Variants in FHOD3 observed in about 807,000 individuals in gnomAD.
FHOD3 encodes the protein FH1/FH2 domain-containing protein 3.
In FHOD3, 90 loss-of-function variants were observed where a neutral mutation model predicts 173.0. The ratio of observed to expected loss-of-function variants is 0.52; its 90% confidence interval spans 0.44 to 0.62. FHOD3 has a LOEUF of 0.62. Ranked by LOEUF, FHOD3 falls within the 20% of genes least tolerant of loss-of-function variation. The pLI is 0.00. For missense variants in FHOD3, 1,945 were observed against 2,034.7 expected (o/e 0.96, Z 0.85); for synonymous variants, 828 against 823.0 (o/e 1.01, Z -0.10).
chr18:36,322,063 G>T (rs557849812), intron 1 of FHOD3, among the ~76,000 whole-genome samples: 1 of 152,162 alleles, frequency 6.6e-6, no homozygotes, highest in Admixed American at 6.5e-5. Flanking sequence ...GAGTGTGAGC[G>T]TGACTCCTCT....
intron 1 of FHOD3, among the ~76,000 whole-genome samples, chr18:36,315,333 C>T (rs1291535073): frequency 6.6e-6 from 1 of 152,114 alleles, no homozygotes; most frequent in Non-Finnish European, 1.5e-5. Flanking sequence ...TCTTCATTTC[C>T]AGGCCTTTCC....
At chr18:36,675,220 C>A (rs1270474576) in intron 14 of FHOD3, among the ~76,000 whole-genome samples, 1 of 152,184 alleles carries the variant, frequency 6.6e-6, no homozygotes, top group Non-Finnish European at 1.5e-5. Context: ...TGTCCCTGGC[C>A]ATGCAAGTTC....
At chr18:36,445,796 C>A (rs2051434190) in intron 3 of FHOD3, among the ~76,000 whole-genome samples, 1 of 152,186 alleles carries the variant, frequency 6.6e-6, no homozygotes, top group Non-Finnish European at 1.5e-5. Context: ...AAATCATGGG[C>A]ATGTCCAGGT....
intron 3 of FHOD3, among the ~76,000 whole-genome samples, chr18:36,470,228 C>T (rs968351949): frequency 1.3e-5 from 2 of 152,150 alleles, no homozygotes; most frequent in East Asian, 1.9e-4. Context: ...GACCCCCATC[C>T]GGTTTTGCTC....
At chr18:36,623,151 G>A (rs112016513) in intron 9 of FHOD3, among the ~76,000 whole-genome samples, 394 of 152,270 alleles carry the variant, frequency 2.6e-3, no homozygotes, top group African/African-American at 8.5e-3. Context: ...AAACTTTCTG[G>A]TTATCTCTAC....
chr18:36,689,305 G>C (rs1290253587), intron 16 of FHOD3, among the ~76,000 whole-genome samples: 2 of 152,208 alleles, frequency 1.3e-5, no homozygotes, highest in African/African-American at 2.4e-5. Flanking sequence ...CTTCCAGATA[G>C]AGCAATGTGT....
At chr18:36,580,443 T>C (rs1241116983) in intron 6 of FHOD3, among the ~76,000 whole-genome samples, 6 of 152,360 alleles carry the variant, frequency 3.9e-5, no homozygotes, top group Non-Finnish European at 8.8e-5. Flanking sequence ...TGGAGTTCAC[T>C]GTGTTGTTGG....
chr18:36,631,275 G>A (rs1433275752), intron 10 of FHOD3, among the ~76,000 whole-genome samples: 1 of 152,190 alleles, frequency 6.6e-6, no homozygotes. Flanking sequence ...GAATCACTGT[G>A]GTCTTGGGCA....
At chr18:36,304,117 C>G (rs542472434) in intron 1 of FHOD3, among the ~76,000 whole-genome samples, 30 of 152,218 alleles carry the variant, frequency 2.0e-4, no homozygotes, top group African/African-American at 7.2e-4. Context: ...AATGCTGATT[C>G]AAATACATTA....
At position 36,746,934 on chromosome 18, in the gene FHOD3, C is replaced by T; in HGVS notation, c.4042-11C>T. On this transcript the variant is annotated splice_polypyrimidine_tract_variant and intron_variant, in intron 23 of 28. Transcript: ENST00000590592. ...TTTCAGTGTTTGCAGTGTTCTCGCT[C>T]TGATTTTCAGGTTGACTTTGATCAA... is the stretch of plus-strand genomic sequence containing the variant. 1 of 1,596,736 alleles carries T rather than the reference C, an allele frequency of 6.3e-7. No homozygotes were observed. Among genetic ancestry groups the T allele is most frequent in the Non-Finnish European group, 8.5e-7 (1 of 1,171,774 alleles).
chr18:36,684,173 C>A (rs2038444112), intron 15 of FHOD3, among the ~76,000 whole-genome samples: 2 of 152,274 alleles, frequency 1.3e-5, no homozygotes, highest in Non-Finnish European at 2.9e-5. Context: ...TGTCTGAAGG[C>A]AGGTTACAAC....
chr18:36,502,160 A>T lies in FHOD3; in HGVS notation c.405+161A>T, dbSNP rs548050543. On this transcript the variant is annotated intron_variant, in intron 4 of 28. Coordinates refer to ENST00000590592, the MANE Select transcript of FHOD3 (RefSeq NM_001281740.3). ...ACATTAGGTCATAATATCAGTTGAG[A>T]ATTTTTATCATGTCAAATATTTCAA... Among the ~76,000 whole-genome samples, 386 of 152,300 alleles carry T rather than the reference A, an allele frequency of 2.5e-3. 1 individual carries two copies. Among genetic ancestry groups the T allele is most frequent in the African/African-American group, 8.6e-3 (359 of 41,562 alleles).
chr18:36,490,534 A>G (rs2054413779), intron 3 of FHOD3, among the ~76,000 whole-genome samples: 1 of 152,154 alleles, frequency 6.6e-6, no homozygotes, highest in South Asian at 2.1e-4. Context: ...AACCACATAC[A>G]TAATTTTATG....
chr18:36,654,166 G>C (rs1292100052), intron 13 of FHOD3, among the ~76,000 whole-genome samples: 2 of 152,208 alleles, frequency 1.3e-5, no homozygotes, highest in African/African-American at 4.8e-5. Context: ...GGGGACCCCA[G>C]TCTGGGTGCC....
At chr18:36,640,932 G>C (rs1049770531) in intron 10 of FHOD3, among the ~76,000 whole-genome samples, 13 of 152,130 alleles carry the variant, frequency 8.5e-5, no homozygotes, top group African/African-American at 3.1e-4. Context: ...AAAGGAGTCT[G>C]GCCTGGATGT....
At chr18:36,434,931 A>G (rs2050736777) in intron 3 of FHOD3, among the ~76,000 whole-genome samples, 1 of 152,068 alleles carries the variant, frequency 6.6e-6, no homozygotes, top group Non-Finnish European at 1.5e-5. Flanking sequence ...TAGCTTTACT[A>G]AATAGATTTC....
intron 3 of FHOD3, among the ~76,000 whole-genome samples, chr18:36,443,376 A>C (rs1399350474): frequency 6.6e-6 from 1 of 152,222 alleles, no homozygotes; most frequent in Non-Finnish European, 1.5e-5. Context: ...GTATGAACTC[A>C]TGGATATTTG....
intron 1 of FHOD3, among the ~76,000 whole-genome samples, chr18:36,324,121 G>A (rs2044544036): frequency 1.3e-5 from 2 of 152,188 alleles, no homozygotes; most frequent in Non-Finnish European, 2.9e-5. Flanking sequence ...CCACACACAT[G>A]CAATGGGACA....
At chr18:36,384,897 TACCACCACC>T (rs60582813) in intron 3 of FHOD3, among the ~76,000 whole-genome samples, 236 of 151,092 alleles carry the variant, frequency 1.6e-3, no homozygotes, top group African/African-American at 5.5e-3. Flanking sequence ...TGGTGGAAGA[TACCACCACC>T]ACCACCACCA....
Sources: gnomAD v4.1 joint callset for allele counts (sites outside exome capture counted in the v4.1 genomes callset) on GRCh38, gnomAD v4.1.1 for gene constraint, MANE v1.5 for transcripts, NCBI Gene and HGNC (gene_info 2026-07-23, HGNC 2026-07-21) for gene names.